The following HSCB variants were observed in gnomAD, a reference collection of about 807,000 sequenced individuals.
HSCB encodes the protein iron-sulfur cluster co-chaperone protein HscB.
In HSCB, 23 loss-of-function variants were observed where a neutral mutation model predicts 31.3. That is an observed-to-expected ratio of 0.74 (90% confidence interval 0.53 to 1.04). The LOEUF is 1.04. HSCB is among the 50% of genes least tolerant of loss of function. The pLI is 0.00. For missense variants in HSCB, 297 were observed against 288.1 expected (o/e 1.03, Z -0.22); for synonymous variants, 110 against 104.5 (o/e 1.05, Z -0.32).
intron 4 of HSCB, among the ~76,000 whole-genome samples, chr22:28,747,897 C>T (rs1396077773): frequency 8.3e-6 from 1 of 121,132 alleles, no homozygotes; most frequent in African/African-American, 2.6e-5. Flanking sequence ...AAAATCTGTT[C>T]CTCTTAGGCT....
Position 28,742,315 on chromosome 22 carries a change from T to C in HSCB, c.220T>C (p.Phe74Leu), listed in dbSNP as rs765397736. The C allele has an allele frequency of 1.2e-6, 2 of 1,613,974 alleles. No individual in the cohort carries two copies. The highest frequency in any genetic ancestry group is 1.7e-6 in the Non-Finnish European group (2 of 1,179,970). Reference sequence around the variant, plus strand: ...GGCACCTGACCCCACTCGAGACTACTTCAGCCTTATGGACTGGTACGAGCG... The same window carrying C: ...GGCACCTGACCCCACTCGAGACTACCTCAGCCTTATGGACTGGTACGAGCG... The part of the protein sequence containing the change: ...LQAPDPTRDY[F>L]SLMDCNRSFR... Residue 74 changes from phenylalanine (F) to leucine (L), a missense_variant, in exon 1 of 6, where the codon TTC (phenylalanine) becomes CTC (leucine). By Grantham distance (22) the Phe-to-Leu change is conservative (BLOSUM62 0). Transcript: ENST00000216027.
At chr22:28,746,750 T>C (rs935948688) in intron 4 of HSCB, among the ~76,000 whole-genome samples, 1 of 151,902 alleles carries the variant, frequency 6.6e-6, no homozygotes, top group African/African-American at 2.4e-5. Flanking sequence ...AAATACAAAA[T>C]TAGCCAGGCA....
intron 1 of HSCB, chr22:28,742,590 A>G (rs1192556820): frequency 1.9e-5 from 6 of 308,956 alleles, no homozygotes; most frequent in South Asian, 9.1e-5. Flanking sequence ...TAGAGGAAAT[A>G]GGGGGGCCGA....
At chr22:28,749,367 C>T (rs2030068796) in intron 4 of HSCB, among the ~76,000 whole-genome samples, 1 of 152,192 alleles carries the variant, frequency 6.6e-6, no homozygotes, top group Admixed American at 6.6e-5. Context: ...TAAGTTAACC[C>T]CTCCTTCTTC....
intron 5 of HSCB, among the ~76,000 whole-genome samples, chr22:28,753,997 G>C (rs1371142192): frequency 1.3e-5 from 2 of 151,922 alleles, no homozygotes; most frequent in Non-Finnish European, 2.9e-5. Context: ...GCTGGGTGTG[G>C]TGGCAGATGC....
chr22:28,757,236 C>G lies in HSCB; in HGVS notation c.*67C>G. The G allele has an allele frequency of 1.2e-6, 1 of 834,046 alleles. No individual in the cohort carries two copies. Among genetic ancestry groups the G allele is most frequent in the Non-Finnish European group, 2.0e-6 (1 of 501,860 alleles). The allele number at this position is 834,046 out of a possible 1,614,324, so 51.7% of individuals were successfully genotyped here. On this transcript the variant is annotated 3_prime_UTR_variant, in exon 6 of 6. Coordinates refer to ENST00000216027, the MANE Select transcript of HSCB (RefSeq NM_172002.5). Reference sequence around the variant, plus strand: ...GCACAGTGGCTCACACCTGTAATCCCAGCACTTTGGGAGGCTGAGGTGGGT... The same window carrying G: ...GCACAGTGGCTCACACCTGTAATCCGAGCACTTTGGGAGGCTGAGGTGGGT...
At position 28,745,901 on chromosome 22, in the gene HSCB, A is replaced by G. The variant is rs2054678117; in HGVS notation, c.461A>G (p.Asp154Gly). ...LHGIEIPERT[D>G]YEMDRQFLIE... ...GGAATAGAGATTCCTGAAAGGACAG[A>G]TTATGAAATGGACAGGCAATTCCTC... Residue 154 changes from aspartate (D) to glycine (G), a missense_variant, in exon 4 of 6, where the codon GAT becomes GGT. Coordinates refer to ENST00000216027, the MANE Select transcript of HSCB (RefSeq NM_172002.5). 1 of 1,613,394 alleles carries G rather than the reference A, an allele frequency of 6.2e-7. No homozygotes were observed. Among genetic ancestry groups the G allele is most frequent in the South Asian group, 1.1e-5 (1 of 90,956 alleles).
In HSCB at chr22:28,742,113, C is replaced by T. The variant is rs754502556; in HGVS notation, c.18C>T (p.Ala6=). The change falls in exon 1 of 6, where the codon GCC becomes GCT. Residue 6 remains alanine (A), a synonymous_variant. Transcript: ENST00000216027. The stretch of plus-strand genomic sequence containing the variant: ...CCGGCCAGATGTGGCGGGGGAGAGC[C>T]GGGGCTTTGCTCCGGGTGTGGGGGT... MWRGR[A]GALLRVWGFW... is the part of the protein sequence containing the mutation. 33 of 1,598,906 alleles carry T rather than the reference C, an allele frequency of 2.1e-5. No individual in the cohort carries two copies. The highest frequency in any genetic ancestry group is 2.8e-5 in the Non-Finnish European group (33 of 1,173,066).
chr22:28,744,560 C>A, intron 2 of HSCB, 55 bp from the exon 3 acceptor site: 1 of 1,382,074 alleles, frequency 7.2e-7, no homozygotes, highest in Non-Finnish European at 1.0e-6. Flanking sequence ...AAAACAAAAA[C>A]AAAAAAACTT....
intron 4 of HSCB, among the ~76,000 whole-genome samples, chr22:28,749,599 GTTTAAAAGGAACTTGGTA>G (rs1268038411): frequency 1.3e-5 from 2 of 152,124 alleles, no homozygotes; most frequent in Non-Finnish European, 2.9e-5. Flanking sequence ...AGTACTTATA[GTTTAAAAGGAACTTGGTA>G]TTTACTAAAT....
chr22:28,749,480 T>C (rs2030075130), intron 4 of HSCB, among the ~76,000 whole-genome samples: 1 of 152,178 alleles, frequency 6.6e-6, no homozygotes, highest in Non-Finnish European at 1.5e-5. Context: ...AACTTTACTG[T>C]TCTATGTGAC....
chr22:28,750,945 CTTTT>C lies in HSCB; in HGVS notation c.569-275_569-272del, dbSNP rs758451182. Among the ~76,000 whole-genome samples, 81 of 56,460 alleles carry C rather than the reference CTTTT, an allele frequency of 1.4e-3. 2 individuals are homozygous for C. Among genetic ancestry groups the C allele is most frequent in the Non-Finnish European group, 1.9e-3 (59 of 30,940 alleles). 37.0% of individuals were successfully genotyped at this position (56,460 alleles called of 152,430 possible). A position where few individuals can be genotyped will look rare whatever the true frequency, so the allele number is the denominator to read the frequency against. ...GGAGATAATCAAAGTATATCTTTGT[CTTTT>C]TTTTTTTTTTTTTTTTTTTTACTGA... On this transcript the variant is annotated intron_variant, in intron 4 of 5. Coordinates refer to ENST00000216027, the MANE Select transcript of HSCB (RefSeq NM_172002.5).
chr22:28,747,718 T>C (rs1013507171), intron 4 of HSCB, among the ~76,000 whole-genome samples: 7 of 152,208 alleles, frequency 4.6e-5, no homozygotes, highest in Admixed American at 3.9e-4. Context: ...TATTCAGTTA[T>C]GTACTTTCAC....
intron 4 of HSCB, among the ~76,000 whole-genome samples, chr22:28,748,514 T>G (rs1230141169): frequency 6.6e-6 from 1 of 150,720 alleles, no homozygotes; most frequent in Admixed American, 6.6e-5. Flanking sequence ...TTTTTTTTGT[T>G]GTTTTGTTTT....
intron 2 of HSCB, 108 bp from the exon 3 acceptor site, chr22:28,744,507 G>A (rs969228568): frequency 3.3e-5 from 24 of 735,978 alleles, no homozygotes; most frequent in Admixed American, 1.3e-4. Flanking sequence ...AGCTGAGTTC[G>A]CGCCACTGCA....
chr22:28,750,247 CAAAAAAAAAAAA>C (rs563701958), intron 4 of HSCB, among the ~76,000 whole-genome samples: 6 of 64,714 alleles, frequency 9.3e-5, no homozygotes, highest in African/African-American at 1.2e-4. Context: ...GAAACTGTCT[CAAAAAAAAAAAA>C]AAAAAAAAAA....
intron 4 of HSCB, 79 bp from the exon 5 acceptor site, chr22:28,751,162 G>T: frequency 1.2e-6 from 1 of 854,374 alleles, no homozygotes; most frequent in South Asian, 1.6e-5. Flanking sequence ...AAACCAGCAT[G>T]ATTACAAAGT....
rs755150601 is a variant in HSCB, at chr22:28,757,176, A to G, written c.*7A>G. 4 of 1,409,332 alleles carry G rather than the reference A, an allele frequency of 2.8e-6. No individual in the cohort carries two copies. The highest frequency in any genetic ancestry group is 2.3e-5 in the South Asian group (2 of 86,656). 87.3% of individuals were successfully genotyped at this position (1,409,332 alleles called of 1,614,324 possible). Reference sequence around the variant, plus strand: ...AAAGAAGATTCCCCTTTAATTGTGGATAGTTTAAAGTTTAAAAAATAAAGT... The same window carrying G: ...AAAGAAGATTCCCCTTTAATTGTGGGTAGTTTAAAGTTTAAAAAATAAAGT... On this transcript the variant is annotated 3_prime_UTR_variant, in exon 6 of 6. Coordinates refer to ENST00000216027, the MANE Select transcript of HSCB (RefSeq NM_172002.5).
rs768053845 is a variant in HSCB, at chr22:28,742,093, C to A, written c.-3C>A. On this transcript the variant is annotated 5_prime_UTR_variant, in exon 1 of 6. Coordinates refer to ENST00000216027, the MANE Select transcript of HSCB (RefSeq NM_172002.5). ...GACCACGGCTAGATAGGCCGCCGGC[C>A]AGATGTGGCGGGGGAGAGCCGGGGC... is the stretch of plus-strand genomic sequence containing the variant. 2 of 1,606,158 alleles carry A rather than the reference C, an allele frequency of 1.2e-6. No homozygotes were observed. The highest frequency in any genetic ancestry group is 1.7e-6 in the Non-Finnish European group (2 of 1,176,920).
Sources: gnomAD v4.1 joint callset for allele counts (sites outside exome capture counted in the v4.1 genomes callset) on GRCh38, gnomAD v4.1.1 for gene constraint, MANE v1.5 for transcripts, NCBI Gene and HGNC (gene_info 2026-07-23, HGNC 2026-07-21) for gene names.